Variants in ANXA4 observed in about 807,000 individuals in gnomAD.
The protein encoded by ANXA4 is annexin A4.
A neutral mutation model predicts 49.8 loss-of-function variants in ANXA4; 39 were observed. The ratio of observed to expected loss-of-function variants is 0.78; its 90% CI spans 0.61 to 1.02. ANXA4 has a LOEUF of 1.02. Among genes scored for constraint, ANXA4 ranks in the 50% least tolerant of loss-of-function variants. ANXA4 has a pLI of 0.00. For missense variants in ANXA4, 360 were observed against 410.1 expected (o/e 0.88, Z 1.05); for synonymous variants, 134 against 152.5 (o/e 0.88, Z 0.89).
At chr2:69,686,224 G>A (rs1042144425) in intron 2 of ANXA4, among the ~76,000 whole-genome samples, 12 of 151,866 alleles carry the variant, frequency 7.9e-5, no homozygotes, top group South Asian at 4.2e-4. Context: ...TGGCTCTGTC[G>A]CCCAGGCTGG....
Position 69,825,785 on chromosome 2 carries a change from TA to T in ANXA4, c.*271del. The stretch of plus-strand genomic sequence containing the variant: ...TATGTATTCCATGTTTTTAAAAGAT[TA>T]CTTTCTACTTTGTGTTTCACAGACA... On this transcript the variant is annotated 3_prime_UTR_variant, in exon 13 of 13. Coordinates refer to ENST00000394295, the MANE Select transcript of ANXA4 (RefSeq NM_001153.5). The T allele has an allele frequency of 3.4e-6, 1 of 292,050 alleles. No individual in the cohort carries two copies. The highest frequency in any genetic ancestry group is 6.2e-6 in the Non-Finnish European group (1 of 160,092). 18.1% of individuals were successfully genotyped at this position (292,050 alleles called of 1,614,324 possible). A position where few individuals can be genotyped will look rare whatever the true frequency, so the allele number is the denominator to read the frequency against.
intron 2 of ANXA4, among the ~76,000 whole-genome samples, chr2:69,660,438 A>G (rs537259315): frequency 1.9e-4 from 29 of 152,306 alleles, no homozygotes; most frequent in African/African-American, 6.7e-4. Context: ...ACACAAGAAA[A>G]AAATCACCCA....
At chr2:69,658,527 A>C (rs1676592719) in intron 2 of ANXA4, among the ~76,000 whole-genome samples, 1 of 152,174 alleles carries the variant, frequency 6.6e-6, no homozygotes, top group East Asian at 1.9e-4. Flanking sequence ...AGATTTAACA[A>C]ATGACTGCTA....
At chr2:69,786,123 G>T (rs148437067) in intron 2 of ANXA4, among the ~76,000 whole-genome samples, 2 of 152,076 alleles carry the variant, frequency 1.3e-5, no homozygotes, top group African/African-American at 4.8e-5. Context: ...AACATAGAAC[G>T]TCTAAATCCC....
chr2:69,804,686 C>T, intron 4 of ANXA4, 59 bp downstream of exon 4: 1 of 1,380,852 alleles, frequency 7.2e-7, no homozygotes, highest in Non-Finnish European at 1.0e-6. Context: ...GAAGCAGGGC[C>T]TCTTCCTGAT....
intron 1 of ANXA4, among the ~76,000 whole-genome samples, chr2:69,750,328 CGT>C (rs1161203279): frequency 6.6e-6 from 1 of 152,168 alleles, no homozygotes; most frequent in Non-Finnish European, 1.5e-5. Flanking sequence ...TCATTCTTGC[CGT>C]GTGTTTCACT....
rs868034871 is a variant in ANXA4, at chr2:69,757,272, T to A, written c.-47+15097T>A. On this transcript the variant is annotated intron_variant, in intron 1 of 12. Coordinates refer to ENST00000394295, the MANE Select transcript of ANXA4 (RefSeq NM_001153.5). ...TATATATATATATATATATATTTTT[T>A]TTTTTTTTTTTTTTTTTAGGTGGAG... 4.2e-3 allele frequency among the ~76,000 whole-genome samples: 384 copies of A among 91,514 alleles called. 2 individuals carry two copies. The highest frequency in any genetic ancestry group is 0.03 in the African/African-American group (307 of 10,164). The allele number at this position is 91,514 out of a possible 152,430, so 60.0% of individuals were successfully genotyped here. A position where few individuals can be genotyped will look rare whatever the true frequency, so the allele number is the denominator to read the frequency against.
At chr2:69,686,121 A>T (rs1191948201) in intron 2 of ANXA4, among the ~76,000 whole-genome samples, 1 of 152,198 alleles carries the variant, frequency 6.6e-6, no homozygotes. Flanking sequence ...TTGTAGGCTT[A>T]TGTAATTTAA....
chr2:69,667,458 G>C (rs1029123351), intron 2 of ANXA4, among the ~76,000 whole-genome samples: 1 of 146,656 alleles, frequency 6.8e-6, no homozygotes, highest in Non-Finnish European at 1.5e-5. Context: ...TTACCCATCT[G>C]ACCTGAAAAA....
chr2:69,807,621 A>G (rs1673500199), intron 5 of ANXA4, among the ~76,000 whole-genome samples: 1 of 152,198 alleles, frequency 6.6e-6, no homozygotes, highest in African/African-American at 2.4e-5. Flanking sequence ...AGAGAGCAGA[A>G]GAGGTCAAGG....
intron 2 of ANXA4, among the ~76,000 whole-genome samples, chr2:69,667,708 C>A (rs1676990534): frequency 6.6e-6 from 1 of 152,028 alleles, no homozygotes; most frequent in African/African-American, 2.4e-5. Context: ...ATCTATTGAC[C>A]CAACAATGTG....
At chr2:69,662,974 G>C (rs987100487) in intron 2 of ANXA4, among the ~76,000 whole-genome samples, 6 of 149,502 alleles carry the variant, frequency 4.0e-5, no homozygotes, top group African/African-American at 1.5e-4. Flanking sequence ...TTAACCAGAT[G>C]TCCTGGTTTT....
At chr2:69,645,917 T>C (rs1430640818) in intron 1 of ANXA4, among the ~76,000 whole-genome samples, 1 of 152,196 alleles carries the variant, frequency 6.6e-6, no homozygotes, top group East Asian at 1.9e-4. Context: ...GCAAAGAGAT[T>C]AGTGACTTGC....
chr2:69,683,646 C>T lies in ANXA4; in HGVS notation n.766+30364C>T, dbSNP rs1462072357. ...CTCCCAACTCAGACTGTTTTTCAGT[C>T]TGTCCCTCCATACATACCTGCACAC... On this transcript the variant is annotated intron_variant and non_coding_transcript_variant, in intron 2 of 3. Coordinates refer to the ANXA4 transcript ENST00000418066. 3.3e-5 allele frequency among the ~76,000 whole-genome samples: 5 copies of T among 152,160 alleles called. No homozygotes were observed. In the South Asian group the frequency reaches 1.0e-3, roughly 32 times the overall value.
intron 2 of ANXA4, among the ~76,000 whole-genome samples, chr2:69,688,910 A>G (rs981759313): frequency 2.0e-5 from 3 of 152,134 alleles, no homozygotes; most frequent in African/African-American, 4.8e-5. Context: ...GTTCCTTTCA[A>G]TGGGAAATGA....
chr2:69,655,561 C>T (rs980124241), intron 2 of ANXA4, among the ~76,000 whole-genome samples: 3 of 152,132 alleles, frequency 2.0e-5, no homozygotes, highest in Non-Finnish European at 2.9e-5. Flanking sequence ...GAAAGAGCAA[C>T]GGTTTTACAC....
Position 69,819,269 on chromosome 2 carries a change from T to A in ANXA4, c.725-11T>A. 6.3e-7 allele frequency: 1 copy of A among 1,585,512 alleles called. No individual in the cohort carries two copies. Among genetic ancestry groups the A allele is most frequent in the Non-Finnish European group, 8.6e-7 (1 of 1,164,436 alleles). ...TAATCTTTTCATTTCTTCTTTTTTTTTCTTTGACAGTAAAGTGCATGAGGA... is the reference window on the plus strand; with the variant it reads ...TAATCTTTTCATTTCTTCTTTTTTTATCTTTGACAGTAAAGTGCATGAGGA... On this transcript the variant is annotated splice_polypyrimidine_tract_variant and intron_variant, in intron 10 of 12. Transcript: ENST00000394295.
intron 1 of ANXA4, among the ~76,000 whole-genome samples, chr2:69,649,675 A>G (rs1043435477): frequency 3.4e-5 from 5 of 144,980 alleles, no homozygotes; most frequent in Non-Finnish European, 1.5e-5. Flanking sequence ...GCAGTGGCAC[A>G]ACCTCAGCTC....
intron 2 of ANXA4, among the ~76,000 whole-genome samples, chr2:69,671,593 C>T (rs184484326): frequency 7.9e-5 from 12 of 152,286 alleles, no homozygotes; most frequent in African/African-American, 2.9e-4. Flanking sequence ...TGTAGTGGCG[C>T]ATGCCTGTAA....
Sources: gnomAD v4.1 joint callset for allele counts (sites outside exome capture counted in the v4.1 genomes callset) on GRCh38, gnomAD v4.1.1 for gene constraint, MANE v1.5 for transcripts, NCBI Gene and HGNC (gene_info 2026-07-23, HGNC 2026-07-21) for gene names.